Variants in IFT56 observed in about 807,000 individuals in gnomAD.
The protein encoded by IFT56 is intraflagellar transport 56.
At chr7:139,177,420 C>T in the IFT56 span, among the ~76,000 whole-genome samples, 2 of 151,126 alleles carry the variant, frequency 1.3e-5, no homozygotes, top group Non-Finnish European at 2.9e-5. Flanking sequence ...TCAATTATGA[C>T]AGTCTGATAT....
At chr7:139,140,983 G>A in the IFT56 span, among the ~76,000 whole-genome samples, 1 of 144,728 alleles carries the variant, frequency 6.9e-6, no homozygotes, top group South Asian at 2.1e-4. Flanking sequence ...AGGGTCAGCC[G>A]GGTGCAGTGG....
the IFT56 span, chr7:139,140,077 G>C: frequency 9.9e-7 from 1 of 1,007,190 alleles, no homozygotes; most frequent in Non-Finnish European, 1.4e-6. Flanking sequence ...AAACTTAATT[G>C]TATTCCTTTT....
chr7:139,179,483 C>A, the IFT56 span: 1 of 1,007,062 alleles, frequency 9.9e-7, no homozygotes, highest in Non-Finnish European at 1.6e-6. Flanking sequence ...TATAATGCTA[C>A]AGTGATCATC....
At chr7:139,150,731 C>A in the IFT56 span, among the ~76,000 whole-genome samples, 1 of 152,188 alleles carries the variant, frequency 6.6e-6, no homozygotes, top group Non-Finnish European at 1.5e-5. Context: ...CAGTGTCTCA[C>A]AAACACCAAT....
At chr7:139,148,899 T>C in the IFT56 span, among the ~76,000 whole-genome samples, 6 of 151,432 alleles carry the variant, frequency 4.0e-5, no homozygotes, top group African/African-American at 1.5e-4. Flanking sequence ...AGACTCTGTC[T>C]CAAAAAAACC....
chr7:139,135,749 G>T, the IFT56 span, among the ~76,000 whole-genome samples: 1 of 151,858 alleles, frequency 6.6e-6, no homozygotes. Flanking sequence ...GAGGGTGAAG[G>T]GTTGCACCAA....
At chr7:139,162,682 C>T in the IFT56 span, among the ~76,000 whole-genome samples, 1 of 152,084 alleles carries the variant, frequency 6.6e-6, no homozygotes, top group Non-Finnish European at 1.5e-5. Context: ...TTATTTTGGC[C>T]GGTCGCGGAG....
the IFT56 span, chr7:139,187,590 G>A: frequency 6.3e-7 from 1 of 1,595,306 alleles, no homozygotes; most frequent in Non-Finnish European, 8.6e-7. Flanking sequence ...TTGTTTGTGA[G>A]GGAAAATACT....
the IFT56 span, among the ~76,000 whole-genome samples, chr7:139,169,802 G>C: frequency 6.6e-6 from 1 of 152,244 alleles, no homozygotes; most frequent in African/African-American, 2.4e-5. Context: ...CTTGAGCCCA[G>C]GAGTTCAGGA....
chr7:139,176,615 C>A, the IFT56 span, among the ~76,000 whole-genome samples: 1 of 152,132 alleles, frequency 6.6e-6, no homozygotes, highest in Non-Finnish European at 1.5e-5. Context: ...CAGCATGAAC[C>A]AATATGGTGC....
At chr7:139,142,141 A>T in the IFT56 span, 7 of 1,046,136 alleles carry the variant, frequency 6.7e-6, no homozygotes, top group African/African-American at 1.1e-4. Flanking sequence ...TAGCAGAGAC[A>T]TATTAGGATC....
At chr7:139,138,355 C>CCATATTAGG in the IFT56 span, among the ~76,000 whole-genome samples, 2 of 152,136 alleles carry the variant, frequency 1.3e-5, no homozygotes, top group Non-Finnish European at 2.9e-5. Flanking sequence ...TGGTGTTAAT[C>CCATATTAGG]TCTTATTGTG....
the IFT56 span, among the ~76,000 whole-genome samples, chr7:139,188,116 T>C: frequency 6.6e-6 from 1 of 151,182 alleles, no homozygotes; most frequent in African/African-American, 2.4e-5. Context: ...TTTTTTTTTT[T>C]TTTAGATAGA....
the IFT56 span, chr7:139,138,003 T>C: frequency 1.0e-6 from 1 of 964,586 alleles, no homozygotes; most frequent in Non-Finnish European, 1.6e-6. Context: ...AACTTTATAT[T>C]ATAATAATAC....
chr7:139,168,642 T>C, the IFT56 span: 5 of 440,790 alleles, frequency 1.1e-5, no homozygotes, highest in African/African-American at 9.7e-5. Flanking sequence ...AATTTTTAAA[T>C]AGCAACTTAT....
chr7:139,167,648 T>C, the IFT56 span, among the ~76,000 whole-genome samples: 56 of 152,040 alleles, frequency 3.7e-4, no homozygotes, highest in African/African-American at 1.3e-3. Context: ...TACTATAACA[T>C]TGGAAAGGGG....
At chr7:139,183,575 G>A in the IFT56 span, among the ~76,000 whole-genome samples, 2 of 151,720 alleles carry the variant, frequency 1.3e-5, no homozygotes, top group African/African-American at 4.8e-5. Flanking sequence ...CCTATTAAAA[G>A]ACATCTATTG....
chr7:139,173,756 T>C, the IFT56 span: 1 of 764,036 alleles, frequency 1.3e-6, no homozygotes, highest in East Asian at 2.4e-5. Context: ...CCAAAATCAT[T>C]ATGATGTTGG....
At chr7:139,177,659 T>C in the IFT56 span, among the ~76,000 whole-genome samples, 3 of 150,672 alleles carry the variant, frequency 2.0e-5, no homozygotes, top group Non-Finnish European at 4.4e-5. Flanking sequence ...ACATAGTATA[T>C]CAGACTGTGA....
Sources: allele counts gnomAD v4.1 joint callset (sites outside exome capture counted in the v4.1 genomes callset), GRCh38; gene constraint gnomAD v4.1.1; transcripts MANE v1.5; gene names NCBI Gene and HGNC (gene_info 2026-07-23, HGNC 2026-07-21).